The following ARSJ variants were observed in gnomAD, a reference collection of about 807,000 sequenced individuals.
ARSJ encodes arylsulfatase J.
Under a neutral mutation model 35.9 loss-of-function variants are expected in ARSJ, and 26 were observed. The ratio of observed to expected loss-of-function variants is 0.72; its 90% CI spans 0.53 to 1.00. The LOEUF (loss-of-function observed/expected upper bound fraction) is 1.00. ARSJ is among the 50% of genes least tolerant of loss of function. ARSJ has a pLI of 0.00. For synonymous variants in ARSJ, 294 were observed against 267.6 expected (o/e 1.10, Z -0.96); for missense variants, 667 against 723.6 (o/e 0.92, Z 0.90).
intron 1 of ARSJ, among the ~76,000 whole-genome samples, chr4:113,950,079 C>G (rs1725761194): frequency 6.6e-6 from 1 of 151,922 alleles, no homozygotes; most frequent in Non-Finnish European, 1.5e-5. Context: ...CAGATGTAAG[C>G]TATATGGTTC....
At position 113,902,883 on chromosome 4, in the gene ARSJ, T is replaced by A; in HGVS notation, c.1191A>T (p.Gln397His). Residue 397 changes from glutamine to histidine, a missense_variant, in exon 2 of 2, where the codon CAA becomes CAT. Transcript: ENST00000315366. ...TCTCCCAGATATCATAGCCATCTAG[T>A]TGAATGTCCTCATCAATCTGTCCTT... ...LAEGQIDEDI[Q>H]LDGYDIWETI... is the part of the protein sequence containing the mutation. 1.9e-6 allele frequency: 3 copies of A among 1,614,134 alleles called. No individual in the cohort carries two copies. Among genetic ancestry groups the A allele is most frequent in the Non-Finnish European group, 2.5e-6 (3 of 1,180,026 alleles).
chr4:113,967,711 T>C (rs1726983939), intron 1 of ARSJ, among the ~76,000 whole-genome samples: 1 of 152,176 alleles, frequency 6.6e-6, no homozygotes, highest in Non-Finnish European at 1.5e-5. Context: ...AATCTAAATA[T>C]CTATGTTCAT....
chr4:113,951,086 C>T (rs1725836581), intron 1 of ARSJ, among the ~76,000 whole-genome samples: 1 of 152,042 alleles, frequency 6.6e-6, no homozygotes, highest in Non-Finnish European at 1.5e-5. Context: ...AAACCCAGGG[C>T]AGTACAGCTA....
chr4:113,949,974 T>C (rs955679190), intron 1 of ARSJ, among the ~76,000 whole-genome samples: 1 of 152,088 alleles, frequency 6.6e-6, no homozygotes, highest in Non-Finnish European at 1.5e-5. Flanking sequence ...TTGGAGATGT[T>C]CTTTCCTCTA....
intron 1 of ARSJ, among the ~76,000 whole-genome samples, chr4:113,928,608 T>A (rs1284583118): frequency 6.6e-6 from 1 of 152,158 alleles, no homozygotes; most frequent in East Asian, 1.9e-4. Context: ...CTGTCCATTA[T>A]GGGAGCTACA....
intron 1 of ARSJ, among the ~76,000 whole-genome samples, chr4:113,963,791 G>T (rs1378107705): frequency 1.3e-5 from 2 of 151,882 alleles, no homozygotes; most frequent in Admixed American, 6.6e-5. Flanking sequence ...GTGTCACAAG[G>T]GTTACAAATT....
At chr4:113,924,084 T>TAA (rs1364126960) in intron 1 of ARSJ, among the ~76,000 whole-genome samples, 4 of 124,758 alleles carry the variant, frequency 3.2e-5, no homozygotes, top group African/African-American at 1.4e-4. Context: ...TAAATATATA[T>TAA]ATATATATAT....
intron 1 of ARSJ, among the ~76,000 whole-genome samples, chr4:113,948,495 A>C (rs17484413): frequency 0.1 from 15,297 of 152,152 alleles, 820 homozygotes; most frequent in South Asian, 0.15. Flanking sequence ...TACAGTATCT[A>C]GGCAGCTTTA....
At chr4:113,951,352 GCT>G (rs748867893) in intron 1 of ARSJ, among the ~76,000 whole-genome samples, 3 of 152,026 alleles carry the variant, frequency 2.0e-5, no homozygotes, top group Non-Finnish European at 4.4e-5. Flanking sequence ...CAATCCTCAT[GCT>G]CTCTGGTTGC....
chr4:113,957,578 C>G (rs1196976986), intron 1 of ARSJ, among the ~76,000 whole-genome samples: 1 of 151,872 alleles, frequency 6.6e-6, no homozygotes. Context: ...AAAACAAAAC[C>G]CATCAACTCT....
chr4:113,929,492 G>T (rs1013969660), intron 1 of ARSJ, among the ~76,000 whole-genome samples: 1 of 152,204 alleles, frequency 6.6e-6, no homozygotes, highest in South Asian at 2.1e-4. Context: ...GGCAACAAAG[G>T]TTCATCAGAG....
At chr4:113,943,437 T>C (rs907407726) in intron 1 of ARSJ, 6 of 152,052 alleles carry the variant, frequency 3.9e-5, no homozygotes, top group African/African-American at 1.4e-4. Context: ...ATATCTCAAA[T>C]ACATTTTCCT....
chr4:113,924,138 G>A (rs906042967), intron 1 of ARSJ, among the ~76,000 whole-genome samples: 1 of 141,402 alleles, frequency 7.1e-6, no homozygotes, highest in Non-Finnish European at 1.5e-5. Flanking sequence ...AGTTTATTAA[G>A]TATTAACTTA....
chr4:113,953,610 G>A (rs6828573), intron 1 of ARSJ, among the ~76,000 whole-genome samples: 17 of 151,786 alleles, frequency 1.1e-4, no homozygotes. Context: ...CCTCTTGGCC[G>A]AAATACTGGC....
At chr4:113,961,945 A>C (rs1726573376) in intron 1 of ARSJ, among the ~76,000 whole-genome samples, 1 of 147,352 alleles carries the variant, frequency 6.8e-6, no homozygotes, top group Non-Finnish European at 1.5e-5. Context: ...GTGTGTGTAA[A>C]CACTTGATAT....
chr4:113,967,728 C>G (rs936965677), intron 1 of ARSJ, among the ~76,000 whole-genome samples: 1 of 152,164 alleles, frequency 6.6e-6, no homozygotes, highest in African/African-American at 2.4e-5. Flanking sequence ...TCATCCAACT[C>G]TATCAAATAT....
At chr4:113,956,863 T>C (rs540532803) in intron 1 of ARSJ, among the ~76,000 whole-genome samples, 1 of 152,056 alleles carries the variant, frequency 6.6e-6, no homozygotes, top group African/African-American at 2.4e-5. Context: ...CACGACGAGA[T>C]GTAGTGACTT....
intron 1 of ARSJ, among the ~76,000 whole-genome samples, chr4:113,937,208 G>A (rs575365932): frequency 6.6e-6 from 1 of 151,826 alleles, no homozygotes; most frequent in African/African-American, 2.4e-5. Context: ...CATTATTTAG[G>A]TTATACTTTT....
intron 1 of ARSJ, among the ~76,000 whole-genome samples, chr4:113,973,145 C>T (rs1294928419): frequency 6.6e-6 from 1 of 152,132 alleles, no homozygotes; most frequent in African/African-American, 2.4e-5. Context: ...GATTATTCAA[C>T]ACTCTGTCCT....
Sources: gnomAD v4.1 joint callset for allele counts (sites outside exome capture counted in the v4.1 genomes callset) on GRCh38, gnomAD v4.1.1 for gene constraint, MANE v1.5 for transcripts, NCBI Gene and HGNC (gene_info 2026-07-23, HGNC 2026-07-21) for gene names.